AP1G1: variants seen among roughly 807,000 people sequenced by gnomAD.
The protein encoded by AP1G1 is AP-1 complex subunit gamma-1.
Under a neutral mutation model 108.3 loss-of-function variants are expected in AP1G1, and 7 were observed. The ratio of observed to expected loss-of-function variants is 0.06; its 90% CI spans 0.04 to 0.12. AP1G1 has a LOEUF of 0.12. Among genes scored for constraint, AP1G1 ranks in the 10% least tolerant of loss-of-function variants. The probability of loss-of-function intolerance (pLI) is 1.00; values close to 1 mark genes in which losing one functional copy is unlikely to be tolerated. For missense variants in AP1G1, 756 were observed against 1,010.7 expected (o/e 0.75, Z 3.42); for synonymous variants, 379 against 353.5 (o/e 1.07, Z -0.81).
intron 1 of AP1G1, among the ~76,000 whole-genome samples, chr16:71,799,116 A>G (rs1297113999): frequency 6.6e-6 from 1 of 152,150 alleles, no homozygotes; most frequent in Non-Finnish European, 1.5e-5. Flanking sequence ...AAACTGCATG[A>G]CCCATTTATC....
chr16:71,752,982 T>A (rs1046881865), intron 13 of AP1G1, among the ~76,000 whole-genome samples: 37 of 152,216 alleles, frequency 2.4e-4, no homozygotes, highest in Non-Finnish European at 4.1e-4. Flanking sequence ...AATATATTAA[T>A]ATGCTGTCAT....
intron 1 of AP1G1, among the ~76,000 whole-genome samples, chr16:71,794,835 C>CTTTTTTTTTTTTTTTTTTTTTTTT (rs55761928): frequency 2.5e-5 from 1 of 39,658 alleles, no homozygotes; most frequent in African/African-American, 1.0e-4. Flanking sequence ...ATGAGAAGTG[C>CTTTTTTTTTTTTTTTTTTTTTTTT]TTTTTTTTTT....
intron 6 of AP1G1, 99 bp from the exon 7 acceptor site, chr16:71,765,683 G>C (rs2031284114): frequency 1.1e-6 from 1 of 875,322 alleles, no homozygotes; most frequent in East Asian, 2.6e-5. Context: ...AAGGGTCCCA[G>C]TCCAAGCAAA....
In AP1G1 at chr16:71,737,147, C is replaced by T. The variant is rs529326510; in HGVS notation, c.2268+1795G>A. Among the ~76,000 whole-genome samples the T allele has an allele frequency of 2.6e-5, 4 of 152,282 alleles. No individual in the cohort carries two copies. The East Asian group carries it at 7.7e-4, about 29-fold the overall frequency. On this transcript the variant is annotated intron_variant, in intron 21 of 22. Coordinates refer to ENST00000299980, the MANE Select transcript of AP1G1 (RefSeq NM_001128.6). Reference sequence around the variant, plus strand: ...TAGGAAGTGGCTATCATTATCACCACCCTCTTTGCAAATGAAGACACTGAG... The same window carrying T: ...TAGGAAGTGGCTATCATTATCACCATCCTCTTTGCAAATGAAGACACTGAG...
chr16:71,778,180 C>T (rs2031862378), intron 2 of AP1G1, among the ~76,000 whole-genome samples: 1 of 152,138 alleles, frequency 6.6e-6, no homozygotes, highest in African/African-American at 2.4e-5. Context: ...AAGGGGCAAG[C>T]ATTATTTCAA....
chr16:71,795,893 A>C (rs1019074002), intron 1 of AP1G1, among the ~76,000 whole-genome samples: 1 of 152,224 alleles, frequency 6.6e-6, no homozygotes, highest in Non-Finnish European at 1.5e-5. Flanking sequence ...TACAGTGAAT[A>C]AACGGAAAAG....
At chr16:71,740,010 C>T (rs529757699) in intron 19 of AP1G1, among the ~76,000 whole-genome samples, 1 of 152,238 alleles carries the variant, frequency 6.6e-6, no homozygotes, top group South Asian at 2.1e-4. Context: ...GAGATACTAC[C>T]TCATGTCTAC....
chr16:71,750,132 G>C (rs1271921103), intron 14 of AP1G1, 78 bp downstream of exon 14: 1 of 1,556,656 alleles, frequency 6.4e-7, no homozygotes, highest in Non-Finnish European at 8.8e-7. Context: ...GAGAGGAGGG[G>C]GGAAAAAAAA....
chr16:71,771,685 T>C (rs1256133360), intron 4 of AP1G1, among the ~76,000 whole-genome samples: 8 of 152,194 alleles, frequency 5.3e-5, no homozygotes, highest in Non-Finnish European at 1.0e-4. Context: ...ATGGTTAATA[T>C]GAATTTATCA....
chr16:71,748,244 T>A lies in AP1G1; in HGVS notation c.1625+7A>T. The A allele has an allele frequency of 6.2e-7, 1 of 1,610,118 alleles. No homozygotes were observed. Among genetic ancestry groups the A allele is most frequent in the Non-Finnish European group, 8.5e-7 (1 of 1,179,170 alleles). On this transcript the variant is annotated splice_region_variant and intron_variant, in intron 16 of 22. Coordinates refer to ENST00000299980, the MANE Select transcript of AP1G1 (RefSeq NM_001128.6). ...ACCTGTTCACCCTATGTTTCTTCAA[T>A]ACTCACTTTACAGTACAAGTGAATC...
intron 12 of AP1G1, among the ~76,000 whole-genome samples, chr16:71,754,196 G>A (rs964843181): frequency 6.7e-6 from 1 of 150,000 alleles, no homozygotes. Context: ...AAAGAAGAGA[G>A]AGAAAAGAAA....
At chr16:71,775,655 T>C (rs1310222680) in intron 2 of AP1G1, among the ~76,000 whole-genome samples, 3 of 152,120 alleles carry the variant, frequency 2.0e-5, no homozygotes, top group Non-Finnish European at 1.5e-5. Context: ...GAGGAATGTA[T>C]AATTAATTTA....
chr16:71,746,666 T>C lies in AP1G1; in HGVS notation c.1652A>G (p.Tyr551Cys). 1 of 1,612,648 alleles carries C rather than the reference T, an allele frequency of 6.2e-7. No individual in the cohort carries two copies. Among genetic ancestry groups the C allele is most frequent in the Non-Finnish European group, 8.5e-7 (1 of 1,179,490 alleles). Residue 551 changes from tyrosine to cysteine, a missense_variant, in exon 17 of 23, where the codon TAC (tyrosine) becomes TGC (cysteine). Tyr to Cys is a radical substitution (Grantham distance 194). Transcript: ENST00000299980. Reference protein sequence around the residue: ...VNRIKKVVSIYGSSIDVELQQ... With the variant: ...VNRIKKVVSICGSSIDVELQQ... ...GAGTTCCACATCAATGCTGCTTCCGTAGATGGAAACCACTTTCTTAATTCG... is the reference window on the plus strand; with the variant it reads ...GAGTTCCACATCAATGCTGCTTCCGCAGATGGAAACCACTTTCTTAATTCG...
intron 1 of AP1G1, among the ~76,000 whole-genome samples, chr16:71,794,994 T>C (rs920394687): frequency 6.6e-6 from 1 of 151,888 alleles, no homozygotes; most frequent in Non-Finnish European, 1.5e-5. Flanking sequence ...AAATCCTAAA[T>C]GCTAAAATAT....
At chr16:71,778,876 C>G (rs896978701) in intron 2 of AP1G1, among the ~76,000 whole-genome samples, 36 of 152,038 alleles carry the variant, frequency 2.4e-4, no homozygotes, top group Admixed American at 6.6e-5. Context: ...AGTTAAAGAA[C>G]AGAAGGAAAA....
intron 10 of AP1G1, 37 bp from the exon 11 acceptor site, chr16:71,758,958 G>T: frequency 2.5e-6 from 3 of 1,206,520 alleles, no homozygotes; most frequent in Non-Finnish European, 2.4e-6. Context: ...GAGTTAAAAT[G>T]TAAAATTCAG....
Position 71,771,892 on chromosome 16 carries a change from G to A in AP1G1, c.469-640C>T, listed in dbSNP as rs868824408. Among the ~76,000 whole-genome samples, 3 of 152,220 alleles carry A rather than the reference G, an allele frequency of 2.0e-5. No individual in the cohort carries two copies. In the South Asian group the frequency reaches 6.2e-4, roughly 32 times the overall value. On this transcript the variant is annotated intron_variant, in intron 4 of 22. Transcript: ENST00000299980. ...TATGTGGCCCTCAAATGACTCTACT[G>A]ACATCAAGAAAATCATTTGAAAAAT...
intron 11 of AP1G1, among the ~76,000 whole-genome samples, chr16:71,757,400 G>GAGGTC (rs1174918787): frequency 3.3e-5 from 4 of 121,112 alleles, no homozygotes; most frequent in Non-Finnish European, 5.3e-5. Flanking sequence ...GCAGTGAGCC[G>GAGGTC]AGGTCGCACC....
intron 12 of AP1G1, among the ~76,000 whole-genome samples, chr16:71,754,573 G>A (rs1346208321): frequency 2.0e-5 from 3 of 152,160 alleles, no homozygotes; most frequent in Non-Finnish European, 4.4e-5. Context: ...AAGGAGGAAG[G>A]AGTGCTTGAG....
Sources: allele counts gnomAD v4.1 joint callset (sites outside exome capture counted in the v4.1 genomes callset), GRCh38; gene constraint gnomAD v4.1.1; transcripts MANE v1.5; gene names NCBI Gene and HGNC (gene_info 2026-07-23, HGNC 2026-07-21).